The following SMIM10L2B variants were observed in gnomAD, a reference collection of about 807,000 sequenced individuals.
SMIM10L2B encodes small integral membrane protein 10 like 2B.
For missense variants in SMIM10L2B, 40 were observed against 58.7 expected (o/e 0.68, Z 1.04); for synonymous variants, 28 against 30.0 (o/e 0.93, Z 0.22).
chrX:135,097,758 C>T (rs1192819167), intron 1 of SMIM10L2B, among the ~76,000 whole-genome samples: 1 of 112,395 alleles, frequency 8.9e-6, no homozygotes, highest in African/African-American at 3.2e-5. Context: ...CCTTCCATTC[C>T]CCAGGTTTCA....
rs1249870567 is a variant in SMIM10L2B at position 135,098,288 on chromosome X, C to A, written c.*109G>T. 4 of 279,352 alleles carry A rather than the reference C, an allele frequency of 1.4e-5. No homozygotes were observed. The highest frequency in any genetic ancestry group is 1.9e-5 in the Non-Finnish European group (3 of 160,754). The allele number at this position is 279,352 out of a possible 1,213,427, so 23.0% of individuals were successfully genotyped here. A position where few individuals can be genotyped will look rare whatever the true frequency, so the allele number is the denominator to read the frequency against. On this transcript the variant is annotated 3_prime_UTR_variant, in exon 1 of 2. Transcript: ENST00000433425. ...AGGGGCCCGGGCCGCCCCACCTCCG[C>A]CCCCCGCCGCGATCCAGCTGTCCTT...
chrX:135,098,595 C>A lies in SMIM10L2B; in HGVS notation c.39G>T (p.Ala13=). The A allele has an allele frequency of 3.9e-6, 2 of 513,487 alleles. No homozygotes were observed. Among genetic ancestry groups the A allele is most frequent in the South Asian group, 1.4e-4 (2 of 14,389 alleles). The allele number at this position is 513,487 out of a possible 1,213,427, so 42.3% of individuals were successfully genotyped here. Residue 13 remains alanine, a synonymous_variant, in exon 1 of 2, where the codon GCG becomes GCT. Transcript: ENST00000433425. The stretch of plus-strand genomic sequence containing the variant: ...GAACCGCCAAGCCAGACAGGGCTGC[C>A]GCCGCCGCCGCCGCAGACAGAGCCG... ...ASAALSAAAA[A]AALSGLAVRL...
Position 135,098,592 on chromosome X carries a change from T to G in SMIM10L2B, c.42A>C (p.Ala14=). The G allele has an allele frequency of 3.4e-6, 2 of 594,514 alleles. No homozygotes were observed. The highest frequency in any genetic ancestry group is 4.7e-6 in the Non-Finnish European group (2 of 429,334). The allele number at this position is 594,514 out of a possible 1,213,427, so 49.0% of individuals were successfully genotyped here. Residue 14 remains alanine (A), a synonymous_variant, in exon 1 of 2, where the codon GCA becomes GCC. Coordinates refer to ENST00000433425, the MANE Select transcript of SMIM10L2B (RefSeq NM_001348255.2). ...SAALSAAAAA[A]ALSGLAVRLS... ...GCCGAACCGCCAAGCCAGACAGGGC[T>G]GCCGCCGCCGCCGCCGCAGACAGAG... is the stretch of plus-strand genomic sequence containing the variant.
intron 1 of SMIM10L2B, among the ~76,000 whole-genome samples, chrX:135,097,735 C>A (rs1329864533): frequency 8.9e-6 from 1 of 112,409 alleles, no homozygotes; most frequent in Non-Finnish European, 1.9e-5. Context: ...CCGGGGCCGC[C>A]CCCAGCCCAC....
Position 135,098,047 on chromosome X carries a change from C to T in SMIM10L2B, c.*350G>A, listed in dbSNP as rs782767035. 4.3e-4 allele frequency: 55 copies of T among 128,596 alleles called. 2 individuals are homozygous for T. In the South Asian group the frequency reaches 0.018, roughly 42 times the overall value. 10.6% of individuals were successfully genotyped at this position (128,596 alleles called of 1,213,427 possible). The stretch of plus-strand genomic sequence containing the variant: ...TCGCCTCCTACCTTTCTGCTCGGGG[C>T]GGGGAAAGTCAAGTCGCCGCAGCAG... On this transcript the variant is annotated 3_prime_UTR_variant, in exon 1 of 2. Coordinates refer to ENST00000433425, the MANE Select transcript of SMIM10L2B (RefSeq NM_001348255.2).
Position 135,098,355 on chromosome X carries a change from C to T in SMIM10L2B, c.*42G>A. On this transcript the variant is annotated 3_prime_UTR_variant, in exon 1 of 2. Transcript: ENST00000433425. Reference sequence around the variant, plus strand: ...CCGGGGGCGGGCGGGGACACTGTCGCCCCTCCAGCCGGGCCTCCGCGGCCG... The same window carrying T: ...CCGGGGGCGGGCGGGGACACTGTCGTCCCTCCAGCCGGGCCTCCGCGGCCG... The T allele has an allele frequency of 2.7e-6, 1 of 365,751 alleles. No individual in the cohort carries two copies. Among genetic ancestry groups the T allele is most frequent in the Non-Finnish European group, 4.4e-6 (1 of 226,038 alleles). The allele number at this position is 365,751 out of a possible 1,213,427, so 30.1% of individuals were successfully genotyped here.
chrX:135,098,393 G>A lies in SMIM10L2B; in HGVS notation c.*4C>T. 1.7e-6 allele frequency: 1 copy of A among 587,407 alleles called. No individual in the cohort carries two copies. Among genetic ancestry groups the A allele is most frequent in the Non-Finnish European group, 2.4e-6 (1 of 410,330 alleles). 48.4% of individuals were successfully genotyped at this position (587,407 alleles called of 1,213,427 possible). A position where few individuals can be genotyped will look rare whatever the true frequency, so the allele number is the denominator to read the frequency against. On this transcript the variant is annotated 3_prime_UTR_variant, in exon 1 of 2. Transcript: ENST00000433425. ...GCCTCCGCGGCCGCCGCCGCCGCCG[G>A]CGCTCACTCGATCCGCACTTGCAGG...
At position 135,098,636 on chromosome X, in the gene SMIM10L2B, G is replaced by T. The variant is rs1211439637; in HGVS notation, c.-3C>A. Reference sequence around the variant, plus strand: ...GACAGAGCCGCCGACGCCGCCATGGGCCCGGGCCCCGCGCAGGCCCCGCCG... The same window carrying T: ...GACAGAGCCGCCGACGCCGCCATGGTCCCGGGCCCCGCGCAGGCCCCGCCG... On this transcript the variant is annotated 5_prime_UTR_variant, in exon 1 of 2. Coordinates refer to ENST00000433425, the MANE Select transcript of SMIM10L2B (RefSeq NM_001348255.2). 7.6e-5 allele frequency: 27 copies of T among 357,422 alleles called. No homozygotes were observed. Among genetic ancestry groups the T allele is most frequent in the Non-Finnish European group, 1.0e-4 (23 of 228,547 alleles). The allele number at this position is 357,422 out of a possible 1,213,427, so 29.5% of individuals were successfully genotyped here.
In SMIM10L2B at chrX:135,098,695, C is replaced by T. The variant is rs1556398601; in HGVS notation, c.-62G>A. On this transcript the variant is annotated 5_prime_UTR_variant, in exon 1 of 2. Coordinates refer to ENST00000433425, the MANE Select transcript of SMIM10L2B (RefSeq NM_001348255.2). ...ACCCGCAAGAGCTCGAGCCTCAGGA[C>T]GGCGGGACCCCAACACTAGCGCGCC... 3.7e-6 allele frequency: 1 copy of T among 273,748 alleles called. No homozygotes were observed. The highest frequency in any genetic ancestry group is 6.4e-5 in the Admixed American group (1 of 15,504). 22.6% of individuals were successfully genotyped at this position (273,748 alleles called of 1,213,427 possible).
At position 135,096,086 on chromosome X, in the gene SMIM10L2B, A is replaced by C. The variant is rs1186029604; in HGVS notation, c.*1400T>G. 5 of 111,421 alleles carry C rather than the reference A, an allele frequency of 4.5e-5. No individual in the cohort carries two copies. Among genetic ancestry groups the C allele is most frequent in the Non-Finnish European group, 9.4e-5 (5 of 53,098 alleles). The allele number at this position is 111,421 out of a possible 1,213,427, so 9.2% of individuals were successfully genotyped here. On this transcript the variant is annotated 3_prime_UTR_variant, in exon 2 of 2. Transcript: ENST00000433425. ...GACTGCTGCAGTTTTCAATCCCAGG[A>C]ACTGAGAATGTGGCCCTCAGGGTAC...
intron 1 of SMIM10L2B, among the ~76,000 whole-genome samples, chrX:135,097,407 T>TG (rs1454710394): frequency 1.8e-3 from 206 of 112,053 alleles, no homozygotes; most frequent in African/African-American, 6.2e-3. Context: ...AGAGCAAGAC[T>TG]GTGGGGGGAG....
Position 135,098,605 on chromosome X carries a change from G to T in SMIM10L2B, c.29C>A (p.Ala10Glu). MAASAALSA[A>E]AAAAALSGLA... ...GCCAGACAGGGCTGCCGCCGCCGCC[G>T]CCGCAGACAGAGCCGCCGACGCCGC... The change falls in exon 1 of 2, where the codon GCG (alanine) becomes GAG (glutamate). Residue 10 changes from alanine (A) to glutamate (E), a missense_variant. Physicochemically the swap from Ala to Glu is moderately radical, Grantham distance 107 (BLOSUM62 -1). Transcript: ENST00000433425. 1.9e-6 allele frequency: 1 copy of T among 520,564 alleles called. No homozygotes were observed. The highest frequency in any genetic ancestry group is 2.7e-6 in the Non-Finnish European group (1 of 367,553). 42.9% of individuals were successfully genotyped at this position (520,564 alleles called of 1,213,427 possible). A position where few individuals can be genotyped will look rare whatever the true frequency, so the allele number is the denominator to read the frequency against.
Position 135,098,712 on chromosome X carries a change from T to G in SMIM10L2B, c.-79A>C. ...CCTCAGGACGGCGGGACCCCAACACTAGCGCGCCCCGCCGGCCGCCGGGAG... is the reference window on the plus strand; with the variant it reads ...CCTCAGGACGGCGGGACCCCAACACGAGCGCGCCCCGCCGGCCGCCGGGAG... On this transcript the variant is annotated 5_prime_UTR_variant, in exon 1 of 2. Transcript: ENST00000433425. 3 of 253,780 alleles carry G rather than the reference T, an allele frequency of 1.2e-5. No homozygotes were observed. Among genetic ancestry groups the G allele is most frequent in the East Asian group, 5.9e-5 (1 of 16,824 alleles). The allele number at this position is 253,780 out of a possible 1,213,427, so 20.9% of individuals were successfully genotyped here.
Position 135,096,986 on chromosome X carries a change from C to T in SMIM10L2B, c.*500G>A, listed in dbSNP as rs1216163174. 1.8e-5 allele frequency: 2 copies of T among 113,123 alleles called. No individual in the cohort carries two copies. Among genetic ancestry groups the T allele is most frequent in the African/African-American group, 6.4e-5 (2 of 31,136 alleles). The allele number at this position is 113,123 out of a possible 1,213,427, so 9.3% of individuals were successfully genotyped here. On this transcript the variant is annotated 3_prime_UTR_variant, in exon 2 of 2. Coordinates refer to ENST00000433425, the MANE Select transcript of SMIM10L2B (RefSeq NM_001348255.2). The stretch of plus-strand genomic sequence containing the variant: ...CATGCTGTGCCTCTACTAGGAAGGC[C>T]CTTCTTCTCCTCTTGTTCAGGCCCT...
Position 135,098,381 on chromosome X carries a change from C to T in SMIM10L2B, c.*16G>A. On this transcript the variant is annotated 3_prime_UTR_variant, in exon 1 of 2. Coordinates refer to ENST00000433425, the MANE Select transcript of SMIM10L2B (RefSeq NM_001348255.2). ...CCCTCCAGCCGGGCCTCCGCGGCCG[C>T]CGCCGCCGCCGGCGCTCACTCGATC... 10 of 546,616 alleles carry T rather than the reference C, an allele frequency of 1.8e-5. No individual in the cohort carries two copies. The highest frequency in any genetic ancestry group is 2.6e-5 in the Non-Finnish European group (10 of 377,516). The allele number at this position is 546,616 out of a possible 1,213,427, so 45.0% of individuals were successfully genotyped here. A position where few individuals can be genotyped will look rare whatever the true frequency, so the allele number is the denominator to read the frequency against.
In SMIM10L2B at chrX:135,095,362, A is replaced by G. The variant is rs1175297151; in HGVS notation, c.*2124T>C. The G allele has an allele frequency of 9.0e-6, 1 of 111,541 alleles. No individual in the cohort carries two copies. The highest frequency in any genetic ancestry group is 1.9e-5 in the Non-Finnish European group (1 of 53,014). 9.2% of individuals were successfully genotyped at this position (111,541 alleles called of 1,213,427 possible). A position where few individuals can be genotyped will look rare whatever the true frequency, so the allele number is the denominator to read the frequency against. On this transcript the variant is annotated 3_prime_UTR_variant, in exon 2 of 2. Transcript: ENST00000433425. The stretch of plus-strand genomic sequence containing the variant: ...CTGCTCCTCCCCAGTCAGCCCCTCT[A>G]GGCCAATATAGCCACAGCAGAAGCC...
rs2083442342 is a variant in SMIM10L2B at position 135,095,158 on chromosome X, C to T, written c.*2328G>A. The T allele has an allele frequency of 8.9e-6, 1 of 111,807 alleles. No individual in the cohort carries two copies. Among genetic ancestry groups the T allele is most frequent in the African/African-American group, 3.3e-5 (1 of 30,669 alleles). The allele number at this position is 111,807 out of a possible 1,213,427, so 9.2% of individuals were successfully genotyped here. On this transcript the variant is annotated 3_prime_UTR_variant, in exon 2 of 2. Transcript: ENST00000433425. ...CATTCCGGTCGGTGTCTAGAAGCTC[C>T]ACCGCCTAGAAAACAGACTGCAAAT...
Position 135,095,226 on chromosome X carries a change from TAG to T in SMIM10L2B, c.*2258_*2259del, listed in dbSNP as rs2083442951. On this transcript the variant is annotated 3_prime_UTR_variant, in exon 2 of 2. Coordinates refer to ENST00000433425, the MANE Select transcript of SMIM10L2B (RefSeq NM_001348255.2). Reference sequence around the variant, plus strand: ...ACCCCATCACGCAGCAAGGGCCCTGTAGGGGAGAGAAGAGGTGGGGAGGGGAG... The same window carrying T: ...ACCCCATCACGCAGCAAGGGCCCTGTGGGAGAGAAGAGGTGGGGAGGGGAG... 1 of 110,158 alleles carries T rather than the reference TAG, an allele frequency of 9.1e-6. No individual in the cohort carries two copies. The highest frequency in any genetic ancestry group is 3.3e-5 in the African/African-American group (1 of 30,147). 9.1% of individuals were successfully genotyped at this position (110,158 alleles called of 1,213,427 possible). A position where few individuals can be genotyped will look rare whatever the true frequency, so the allele number is the denominator to read the frequency against.
rs2148435509 is a variant in SMIM10L2B, at chrX:135,096,543, CCTGTCTGCCATCTCAG to C, written c.*927_*942del. The C allele has an allele frequency of 9.0e-6, 1 of 111,577 alleles. No individual in the cohort carries two copies. Among genetic ancestry groups the C allele is most frequent in the African/African-American group, 3.3e-5 (1 of 30,652 alleles). 9.2% of individuals were successfully genotyped at this position (111,577 alleles called of 1,213,427 possible). On this transcript the variant is annotated 3_prime_UTR_variant, in exon 2 of 2. Coordinates refer to ENST00000433425, the MANE Select transcript of SMIM10L2B (RefSeq NM_001348255.2). ...CCCAGGGATCCTGGGGCCCATCTCT[CCTGTCTGCCATCTCAG>C]CTGTCTGTCCTAATCTTTCCTGTGA... is the stretch of plus-strand genomic sequence containing the variant.
Sources: allele counts gnomAD v4.1 joint callset (sites outside exome capture counted in the v4.1 genomes callset), GRCh38; gene constraint gnomAD v4.1.1; transcripts MANE v1.5; gene names NCBI Gene and HGNC (gene_info 2026-07-23, HGNC 2026-07-21).